The following TNS1 variants were observed in gnomAD, a reference collection of about 807,000 sequenced individuals.
The protein encoded by TNS1 is tensin 1.
TNS1 carries 62 observed loss-of-function variants against 168.6 expected under a neutral mutation model. That is an observed-to-expected ratio of 0.37 (90% CI 0.30 to 0.45). The LOEUF (loss-of-function observed/expected upper bound fraction) is 0.45, where lower values mean the gene tolerates loss of function less well. Among genes scored for constraint, TNS1 ranks in the 20% least tolerant of loss-of-function variants. TNS1 has a pLI of 1.00. For synonymous variants in TNS1, 934 were observed against 933.2 expected, an observed-to-expected ratio of 1.00 and a Z score of -0.02; for missense variants, 2,240 against 2,339.4, an observed-to-expected ratio of 0.96 and a Z score of 0.88.
chr2:217,805,503 ACCAC>A (rs1938497575), intron 32 of TNS1, among the ~76,000 whole-genome samples: 3 of 22,246 alleles, frequency 1.3e-4, no homozygotes, highest in South Asian at 1.5e-3. Context: ...CACCACACAC[ACCAC>A]CACACACACC....
chr2:218,016,856 G>C (rs1390948141), intron 1 of TNS1, among the ~76,000 whole-genome samples: 2 of 152,206 alleles, frequency 1.3e-5, no homozygotes, highest in Admixed American at 1.3e-4. Flanking sequence ...GAAAGGAAAG[G>C]GAGACAGGGA....
At chr2:217,994,603 G>A (rs970680152) in intron 1 of TNS1, among the ~76,000 whole-genome samples, 3 of 152,190 alleles carry the variant, frequency 2.0e-5, no homozygotes, top group African/African-American at 7.2e-5. Context: ...TGGGGCAGCA[G>A]AGTCTCCCAG....
At chr2:217,960,991 A>G (rs565282124) in intron 3 of TNS1, among the ~76,000 whole-genome samples, 1 of 152,210 alleles carries the variant, frequency 6.6e-6, no homozygotes, top group South Asian at 2.1e-4. Flanking sequence ...AGGCCCCATC[A>G]GTGAGGGAGG....
At chr2:217,886,008 G>A (rs2288167) in intron 14 of TNS1, 36 bp downstream of exon 14, 2 of 1,611,660 alleles carry the variant, frequency 1.2e-6, no homozygotes. Flanking sequence ...CTGGGCCTTG[G>A]GCTTCTCTGG....
At position 217,802,207 on chromosome 2, in the gene TNS1, A is replaced by T. The variant is rs917064922; in HGVS notation, c.*2252T>A. The T allele has an allele frequency of 6.6e-6, 1 of 152,178 alleles. No homozygotes were observed. The highest frequency in any genetic ancestry group is 2.4e-5 in the African/African-American group (1 of 41,434). The allele number at this position is 152,178 out of a possible 1,614,324, so 9.4% of individuals were successfully genotyped here. ...TGCTAGGGAATGAGGAGAGGGGGAA[A>T]CCCAGATATTTGGCTTGAATAACCC... On this transcript the variant is annotated 3_prime_UTR_variant, in exon 33 of 33. Coordinates refer to ENST00000682258, the MANE Select transcript of TNS1 (RefSeq NM_001387777.1).
At chr2:217,836,399 G>A (rs1479401801) in intron 19 of TNS1, among the ~76,000 whole-genome samples, 188 bp from the exon 20 acceptor site, 1 of 152,124 alleles carries the variant, frequency 6.6e-6, no homozygotes, top group Non-Finnish European at 1.5e-5. Context: ...GGTTTTCTCT[G>A]CAGGAGAGGG....
rs1937327358 is a variant in TNS1, at chr2:217,800,542, C to T, written c.*3917G>A. 1 of 152,334 alleles carries T rather than the reference C, an allele frequency of 6.6e-6. No homozygotes were observed. Among genetic ancestry groups the T allele is most frequent in the Non-Finnish European group, 1.5e-5 (1 of 68,086 alleles). 9.4% of individuals were successfully genotyped at this position (152,334 alleles called of 1,614,324 possible). A position where few individuals can be genotyped will look rare whatever the true frequency, so the allele number is the denominator to read the frequency against. ...TAAAGAAATGAGCAAAACACACGCACACACATACATCCACACTTGCACATG... is the reference window on the plus strand; with the variant it reads ...TAAAGAAATGAGCAAAACACACGCATACACATACATCCACACTTGCACATG... On this transcript the variant is annotated 3_prime_UTR_variant, in exon 33 of 33. Transcript: ENST00000682258.
chr2:217,864,917 T>A (rs922481794), intron 18 of TNS1, among the ~76,000 whole-genome samples: 5 of 152,120 alleles, frequency 3.3e-5, no homozygotes, highest in African/African-American at 1.2e-4. Context: ...AGAGTTGGGG[T>A]ACGCAGTGGG....
rs11898107 is a variant in TNS1 at position 217,880,080 on chromosome 2, C to T, written c.1429+818G>A. ...CAACATTCTGCAGTCCTACGACCAA[C>T]TCAAGAAAAGAAGCTTGTGGCCAAA... On this transcript the variant is annotated intron_variant, in intron 18 of 32. Coordinates refer to ENST00000682258, the MANE Select transcript of TNS1 (RefSeq NM_001387777.1). The surrounding 1 kb of genome is among the most constrained non-coding windows in gnomAD (Gnocchi z 4.2). Among the ~76,000 whole-genome samples, 15,948 of 152,226 alleles carry T rather than the reference C, an allele frequency of 0.1. 1,246 individuals are homozygous for T. Among genetic ancestry groups the T allele is most frequent in the East Asian group, 0.3 (1,533 of 5,160 alleles).
At chr2:217,856,236 G>A (rs1948118787) in intron 18 of TNS1, among the ~76,000 whole-genome samples, 1 of 152,182 alleles carries the variant, frequency 6.6e-6, no homozygotes, top group Non-Finnish European at 1.5e-5. Flanking sequence ...AAGTGGCTCA[G>A]GGTGCTCCAC....
At chr2:217,978,942 G>GGA (rs1416997325) in intron 2 of TNS1, 140 bp from the exon 3 acceptor site, 9 of 659,654 alleles carry the variant, frequency 1.4e-5, no homozygotes, top group Non-Finnish European at 1.9e-5. Context: ...AAGGAGAGAG[G>GGA]GAGAGAGGGA....
chr2:217,930,684 A>G (rs1956275150), intron 3 of TNS1, among the ~76,000 whole-genome samples: 2 of 152,298 alleles, frequency 1.3e-5, no homozygotes, highest in Admixed American at 1.3e-4. Flanking sequence ...ACATAAGAAG[A>G]TGGAGGGGCA....
intron 18 of TNS1, among the ~76,000 whole-genome samples, chr2:217,878,513 G>A (rs1027329633): frequency 3.3e-5 from 5 of 152,148 alleles, no homozygotes; most frequent in African/African-American, 9.7e-5. Flanking sequence ...GAATGGCTGG[G>A]AGCATCAAAT....
intron 7 of TNS1, among the ~76,000 whole-genome samples, chr2:217,899,561 C>T (rs1398627385): frequency 6.6e-6 from 1 of 152,178 alleles, no homozygotes; most frequent in African/African-American, 2.4e-5. Context: ...CAGAAAAACT[C>T]GCAAGACAAG....
At chr2:217,966,268 CGTGTGTGTGTGTGTGTGT>C (rs3838555) in intron 3 of TNS1, among the ~76,000 whole-genome samples, 2,623 of 140,848 alleles carry the variant, frequency 0.019, 88 homozygotes, top group African/African-American at 0.063. Context: ...GAGCAGGCTG[CGTGTGTGTGTGTGTGTGT>C]GTGTGTGTGT....
At position 218,032,554 on chromosome 2, in the gene TNS1, G is replaced by A. The variant is rs536054114; in HGVS notation, c.156+1266C>T. 7.2e-5 allele frequency among the ~76,000 whole-genome samples: 11 copies of A among 152,274 alleles called. No homozygotes were observed. Among genetic ancestry groups the A allele is most frequent in the East Asian group, 1.9e-4 (1 of 5,184 alleles). ...CTGCAGCAGGACTGGCAGTGGGTGC[G>A]CCCTGGCAGGCAGCCCAGATGTCTG... On this transcript the variant is annotated intron_variant, in intron 1 of 1. Coordinates refer to the TNS1 transcript ENST00000649572. This position sits in a 1 kb window ranked among gnomAD's most constrained non-coding sequence, Gnocchi z 4.0.
intron 32 of TNS1, among the ~76,000 whole-genome samples, chr2:217,805,944 G>A (rs1438409213): frequency 1.3e-5 from 2 of 150,964 alleles, no homozygotes; most frequent in Non-Finnish European, 2.9e-5. Context: ...TGCTCCTCCA[G>A]TCTTGTTTCA....
chr2:217,807,960 G>A, intron 32 of TNS1, 115 bp downstream of exon 32: 2 of 1,278,898 alleles, frequency 1.6e-6, no homozygotes, highest in South Asian at 1.3e-5. Flanking sequence ...TTGGCACAAA[G>A]GTTTTTGCTG....
chr2:217,913,580 C>T (rs1227988864), intron 4 of TNS1, among the ~76,000 whole-genome samples: 3 of 152,090 alleles, frequency 2.0e-5, no homozygotes, highest in Non-Finnish European at 4.4e-5. Context: ...CCTCCCCTGG[C>T]GGTCCCTCCC....
Sources: gnomAD v4.1 joint callset for allele counts (sites outside exome capture counted in the v4.1 genomes callset) on GRCh38, gnomAD v4.1.1 for gene constraint, Gnocchi (gnomAD v3.1) non-coding constraint, MANE v1.5 for transcripts, NCBI Gene and HGNC (gene_info 2026-07-23, HGNC 2026-07-21) for gene names.